Variants in BACH2 observed in about 807,000 individuals in gnomAD.
The protein encoded by BACH2 is transcription regulator protein BACH2.
BACH2 carries 5 observed loss-of-function variants against 61.8 expected under a neutral mutation model. The observed-to-expected ratio is 0.08, with a 90% CI of 0.04 to 0.17. The LOEUF (loss-of-function observed/expected upper bound fraction) is 0.17. Among genes scored for constraint, BACH2 ranks in the 10% least tolerant of loss-of-function variants. BACH2 has a pLI of 1.00. For synonymous variants in BACH2, 446 were observed against 440.1 expected, an observed-to-expected ratio of 1.01 and a Z score of -0.17; for missense variants, 824 against 1,091.1, an observed-to-expected ratio of 0.76 and a Z score of 3.45.
intron 3 of BACH2, among the ~76,000 whole-genome samples, chr6:90,207,992 A>C (rs528863217): frequency 1.3e-5 from 2 of 152,252 alleles, no homozygotes; most frequent in South Asian, 4.1e-4. Flanking sequence ...AAATCAGATG[A>C]TAGAGAGAGG....
At chr6:90,283,808 G>C (rs187005242) in intron 1 of BACH2, among the ~76,000 whole-genome samples, 20 of 152,178 alleles carry the variant, frequency 1.3e-4, no homozygotes, top group Admixed American at 1.3e-3. Flanking sequence ...AGGAGTTCGA[G>C]ACCAGCCTGG....
intron 4 of BACH2, among the ~76,000 whole-genome samples, chr6:90,170,584 T>C (rs527694186): frequency 6.6e-6 from 1 of 152,340 alleles, no homozygotes; most frequent in East Asian, 1.9e-4. Flanking sequence ...GACAAAATCT[T>C]GAACATTAAT....
intron 3 of BACH2, among the ~76,000 whole-genome samples, chr6:90,216,699 C>T (rs146177038): frequency 1.1e-4 from 16 of 152,330 alleles, no homozygotes; most frequent in African/African-American, 2.6e-4. Context: ...CAGCTCATGA[C>T]GTAAAGCGTG....
chr6:90,291,998 TCTG>T (rs1772195256), intron 1 of BACH2, among the ~76,000 whole-genome samples: 1 of 152,218 alleles, frequency 6.6e-6, no homozygotes, highest in South Asian at 2.1e-4. Flanking sequence ...ATTTACAGCG[TCTG>T]CTATCTGAAT....
chr6:90,075,629 ATCG>A (rs1379293773), intron 5 of BACH2, among the ~76,000 whole-genome samples: 8 of 152,140 alleles, frequency 5.3e-5, no homozygotes, highest in African/African-American at 1.7e-4. Flanking sequence ...AGATATTATT[ATCG>A]TAACTGCAAT....
chr6:90,044,166 T>G (rs145000353), intron 5 of BACH2, among the ~76,000 whole-genome samples: 31 of 152,232 alleles, frequency 2.0e-4, no homozygotes, highest in African/African-American at 7.2e-4. Context: ...TACAATAATG[T>G]GCTGTAGAGG....
intron 5 of BACH2, among the ~76,000 whole-genome samples, chr6:90,044,583 G>C (rs1038377253): frequency 6.6e-6 from 1 of 152,168 alleles, no homozygotes; most frequent in African/African-American, 2.4e-5. Context: ...GGTTGCTGTA[G>C]GGTCAGACTG....
At chr6:90,146,868 C>T (rs1255779242) in intron 4 of BACH2, among the ~76,000 whole-genome samples, 1 of 152,004 alleles carries the variant, frequency 6.6e-6, no homozygotes, top group Non-Finnish European at 1.5e-5. Context: ...TTGTGAATGA[C>T]GATTAAAACT....
At chr6:89,957,685 C>A (rs1055754031) in intron 6 of BACH2, among the ~76,000 whole-genome samples, 1 of 152,164 alleles carries the variant, frequency 6.6e-6, no homozygotes, top group Non-Finnish European at 1.5e-5. Context: ...GGACTATCGG[C>A]ATATACCACT....
At chr6:90,195,798 C>T (rs1021357786) in intron 4 of BACH2, among the ~76,000 whole-genome samples, 1 of 152,194 alleles carries the variant, frequency 6.6e-6, no homozygotes, top group Non-Finnish European at 1.5e-5. Context: ...CAAGGCTTGG[C>T]TACAGAGCAG....
chr6:90,053,431 C>T (rs950474749), intron 5 of BACH2, among the ~76,000 whole-genome samples: 3 of 152,100 alleles, frequency 2.0e-5, no homozygotes, highest in African/African-American at 7.2e-5. Context: ...AGGTATACAC[C>T]ACCCATTTGG....
At chr6:90,055,122 A>C (rs1048466933) in intron 5 of BACH2, among the ~76,000 whole-genome samples, 59 of 152,382 alleles carry the variant, frequency 3.9e-4, no homozygotes, top group Non-Finnish European at 7.6e-4. Flanking sequence ...AGCTGGATGG[A>C]GAATGACTTT....
chr6:89,978,826 C>G (rs775406113), intron 6 of BACH2, among the ~76,000 whole-genome samples: 12 of 151,918 alleles, frequency 7.9e-5, no homozygotes, highest in Non-Finnish European at 1.6e-4. Flanking sequence ...GCACGCTGTC[C>G]CTGACTTATA....
intron 6 of BACH2, among the ~76,000 whole-genome samples, chr6:89,964,220 A>G (rs1251319580): frequency 1.3e-5 from 2 of 151,778 alleles, no homozygotes; most frequent in Admixed American, 6.6e-5. Context: ...AAAAAAAAAA[A>G]AAAAGAAAAG....
chr6:90,172,045 C>T (rs1295418673), intron 4 of BACH2, among the ~76,000 whole-genome samples: 5 of 152,196 alleles, frequency 3.3e-5, no homozygotes, highest in Admixed American at 2.0e-4. Context: ...CAGTGGCTCA[C>T]GCCTGTAATT....
At chr6:90,217,108 G>A (rs540985520) in intron 3 of BACH2, among the ~76,000 whole-genome samples, 1 of 152,262 alleles carries the variant, frequency 6.6e-6, no homozygotes, top group South Asian at 2.1e-4. Flanking sequence ...CGAAGTAAAA[G>A]CTGTAACTTA....
In BACH2 at chr6:89,932,010, G is replaced by A. The variant is rs1772680782; in HGVS notation, c.*398C>T. Reference sequence around the variant, plus strand: ...TACAGTCTAGCTATAAAACTTTGATGTGTATAGAAGCTGTCTTCAATGAAA... The same window carrying A: ...TACAGTCTAGCTATAAAACTTTGATATGTATAGAAGCTGTCTTCAATGAAA... On this transcript the variant is annotated 3_prime_UTR_variant, in exon 9 of 9. Transcript: ENST00000257749. 1 of 159,986 alleles carries A rather than the reference G, an allele frequency of 6.3e-6. No homozygotes were observed. The highest frequency in any genetic ancestry group is 1.4e-5 in the Non-Finnish European group (1 of 72,410). The allele number at this position is 159,986 out of a possible 1,614,324, so 9.9% of individuals were successfully genotyped here. A position where few individuals can be genotyped will look rare whatever the true frequency, so the allele number is the denominator to read the frequency against.
chr6:90,103,725 C>T (rs1481080985), intron 4 of BACH2, among the ~76,000 whole-genome samples: 1 of 152,070 alleles, frequency 6.6e-6, no homozygotes, highest in African/African-American at 2.4e-5. Context: ...TTTGGGGGAT[C>T]ATGGGGAACA....
At chr6:90,142,104 A>G (rs898222218) in intron 4 of BACH2, among the ~76,000 whole-genome samples, 1 of 151,922 alleles carries the variant, frequency 6.6e-6, no homozygotes, top group African/African-American at 2.4e-5. Flanking sequence ...TTTTAATTCA[A>G]ATGTTTCACA....
Sources: gnomAD v4.1 joint callset for allele counts (sites outside exome capture counted in the v4.1 genomes callset) on GRCh38, gnomAD v4.1.1 for gene constraint, MANE v1.5 for transcripts, NCBI Gene and HGNC (gene_info 2026-07-23, HGNC 2026-07-21) for gene names.